PLOD1: variants seen among roughly 807,000 people sequenced by gnomAD.
The protein encoded by PLOD1 is procollagen-lysine,2-oxoglutarate 5-dioxygenase 1.
In PLOD1, 70 loss-of-function variants were observed where a neutral mutation model predicts 94.7. That is an observed-to-expected ratio of 0.74 (90% CI 0.61 to 0.90). PLOD1 has a LOEUF of 0.90. Among genes scored for constraint, PLOD1 ranks in the 40% least tolerant of loss-of-function variants. PLOD1 has a pLI of 0.00. For missense variants in PLOD1, 905 were observed against 972.7 expected (o/e 0.93, Z 0.93); for synonymous variants, 417 against 400.2 (o/e 1.04, Z -0.50).
chr1:11,974,931 C>G lies in PLOD1; in HGVS notation c.*123C>G. The G allele has an allele frequency of 1.1e-6, 1 of 905,440 alleles. No individual in the cohort carries two copies. The highest frequency in any genetic ancestry group is 1.3e-5 in the South Asian group (1 of 76,248). 56.1% of individuals were successfully genotyped at this position (905,440 alleles called of 1,614,324 possible). A position where few individuals can be genotyped will look rare whatever the true frequency, so the allele number is the denominator to read the frequency against. On this transcript the variant is annotated 3_prime_UTR_variant, in exon 19 of 19. Transcript: ENST00000196061. ...TCCTGGCTGTTGACTTCCCATTGCT[C>G]TTGGAGCCACCAATCAAAGAGATTC...
At chr1:11,971,312 C>T (rs936572510) in intron 17 of PLOD1, among the ~76,000 whole-genome samples, 13 of 145,668 alleles carry the variant, frequency 8.9e-5, no homozygotes, top group African/African-American at 2.8e-4. Context: ...GGTTGGAGTA[C>T]GGGTGGAGGA....
At chr1:11,943,277 C>T (rs1285009643) in intron 1 of PLOD1, among the ~76,000 whole-genome samples, 3 of 150,394 alleles carry the variant, frequency 2.0e-5, no homozygotes, top group South Asian at 2.1e-4. Context: ...CATGAGCCAC[C>T]GTGCCCGGCT....
intron 1 of PLOD1, among the ~76,000 whole-genome samples, chr1:11,938,411 G>A (rs958860348): frequency 2.0e-5 from 3 of 152,166 alleles, no homozygotes; most frequent in East Asian, 1.9e-4. Context: ...ACCTCTGGAC[G>A]GGAAGGGGGT....
chr1:11,943,919 G>T (rs899493664), intron 1 of PLOD1, among the ~76,000 whole-genome samples: 1 of 152,138 alleles, frequency 6.6e-6, no homozygotes, highest in Admixed American at 6.5e-5. Context: ...AAAGTCGGGG[G>T]TTAGTATGTG....
chr1:11,948,909 A>G (rs1645676755), intron 2 of PLOD1, among the ~76,000 whole-genome samples: 1 of 152,174 alleles, frequency 6.6e-6, no homozygotes, highest in Admixed American at 6.5e-5. Context: ...GGTGATGGAC[A>G]ATACAGAACA....
intron 18 of PLOD1, 40 bp downstream of exon 18, chr1:11,973,037 G>A: frequency 6.2e-7 from 1 of 1,612,344 alleles, no homozygotes; most frequent in Non-Finnish European, 8.5e-7. Context: ...CCGGCAATGG[G>A]GATGAGGAGG....
intron 1 of PLOD1, among the ~76,000 whole-genome samples, chr1:11,946,553 G>A (rs960861107): frequency 1.3e-5 from 2 of 152,178 alleles, no homozygotes; most frequent in African/African-American, 4.8e-5. Context: ...GTCTGTCCTG[G>A]GTTAGGTATG....
At chr1:11,934,992 T>C in intron 1 of PLOD1, 137 bp downstream of exon 1, 1 of 1,129,810 alleles carries the variant, frequency 8.9e-7, no homozygotes, top group Non-Finnish European at 1.2e-6. Context: ...GTCCACTTAA[T>C]CGCTGGTGAC....
At chr1:11,953,054 A>C (rs748044847) in intron 5 of PLOD1, among the ~76,000 whole-genome samples, 1 of 152,006 alleles carries the variant, frequency 6.6e-6, no homozygotes, top group Non-Finnish European at 1.5e-5. Flanking sequence ...TAAGGACACT[A>C]ATCCTATTTT....
At position 11,975,015 on chromosome 1, in the gene PLOD1, T is replaced by G; in HGVS notation, c.*207T>G. On this transcript the variant is annotated 3_prime_UTR_variant, in exon 19 of 19. Coordinates refer to ENST00000196061, the MANE Select transcript of PLOD1 (RefSeq NM_000302.4). ...CCTTTATGGCTGGGGCTCTCCGTGG[T>G]GTTCTGGACCCAGCCCCTGGAGACA... 1.6e-6 allele frequency: 1 copy of G among 639,964 alleles called. No individual in the cohort carries two copies. Among genetic ancestry groups the G allele is most frequent in the Non-Finnish European group, 2.8e-6 (1 of 356,718 alleles). The allele number at this position is 639,964 out of a possible 1,614,324, so 39.6% of individuals were successfully genotyped here. A position where few individuals can be genotyped will look rare whatever the true frequency, so the allele number is the denominator to read the frequency against.
intron 1 of PLOD1, among the ~76,000 whole-genome samples, chr1:11,935,253 C>T (rs1645570073): frequency 6.6e-6 from 1 of 152,186 alleles, no homozygotes; most frequent in African/African-American, 2.4e-5. Flanking sequence ...AGTTCATTCA[C>T]TTGCCCAAGA....
rs760423897 is a variant in PLOD1, at chr1:11,950,553, G to C, written c.466+33G>C. ...GCCTGGGTGCAGGGCGCTTGGCCCAGCAGAGGGGTCCATCTACTGCCTTTG... is the reference window on the plus strand; with the variant it reads ...GCCTGGGTGCAGGGCGCTTGGCCCACCAGAGGGGTCCATCTACTGCCTTTG... On this transcript the variant is annotated intron_variant, in intron 4 of 18. Coordinates refer to ENST00000196061, the MANE Select transcript of PLOD1 (RefSeq NM_000302.4). 7.5e-6 allele frequency: 12 copies of C among 1,606,958 alleles called. No individual in the cohort carries two copies. In the Admixed American group the frequency reaches 2.0e-4, roughly 27 times the overall value.
In PLOD1 at chr1:11,966,665, T is replaced by G. The variant is rs1050638524; in HGVS notation, c.1651-322T>G. Among the ~76,000 whole-genome samples the G allele has an allele frequency of 3.7e-4, 56 of 152,224 alleles. 1 individual carries two copies. The highest frequency in any genetic ancestry group is 1.3e-3 in the African/African-American group (55 of 41,542). On this transcript the variant is annotated intron_variant, in intron 15 of 18. Coordinates refer to ENST00000196061, the MANE Select transcript of PLOD1 (RefSeq NM_000302.4). The stretch of plus-strand genomic sequence containing the variant: ...ATGTGATGGCCACTGTGGCCCACCA[T>G]GCCTGGACCACTTCGGGGAGTGGCT...
intron 1 of PLOD1, among the ~76,000 whole-genome samples, chr1:11,944,898 G>A (rs1045891569): frequency 1.3e-5 from 2 of 152,226 alleles, no homozygotes; most frequent in African/African-American, 4.8e-5. Context: ...GGTGGTGGGA[G>A]GGGAGGGCCT....
Position 11,966,335 on chromosome 1 carries a change from C to A in PLOD1, c.1650+19C>A. 1 of 1,584,800 alleles carries A rather than the reference C, an allele frequency of 6.3e-7. No individual in the cohort carries two copies. Among genetic ancestry groups the A allele is most frequent in the Admixed American group, 1.7e-5 (1 of 58,346 alleles). ...GGAGACGGTAAGGGCCATGGACACC[C>A]TCTTGGACCAGCCTTGCCTGCTGCA... On this transcript the variant is annotated intron_variant, in intron 15 of 18. Transcript: ENST00000196061.
intron 3 of PLOD1, among the ~76,000 whole-genome samples, 182 bp from the exon 4 acceptor site, chr1:11,950,175 G>A (rs1245853361): frequency 6.6e-6 from 1 of 152,172 alleles, no homozygotes; most frequent in Non-Finnish European, 1.5e-5. Flanking sequence ...CCAGGGTGCG[G>A]GTGGGAACAT....
intron 4 of PLOD1, among the ~76,000 whole-genome samples, chr1:11,951,899 A>C (rs1357245788): frequency 6.6e-6 from 1 of 151,964 alleles, no homozygotes; most frequent in Non-Finnish European, 1.5e-5. Flanking sequence ...AGCCTGGGCG[A>C]CAGAGCGAGA....
chr1:11,970,928 A>T, intron 17 of PLOD1, 112 bp downstream of exon 17: 6 of 397,974 alleles, frequency 1.5e-5, no homozygotes, highest in East Asian at 9.6e-5. Flanking sequence ...GGAGGGGCCG[A>T]GGTGGAGTGA....
At chr1:11,937,116 G>A (rs1047973540) in intron 1 of PLOD1, among the ~76,000 whole-genome samples, 1 of 152,278 alleles carries the variant, frequency 6.6e-6, no homozygotes, top group East Asian at 1.9e-4. Flanking sequence ...CCAAAGTACC[G>A]GGATTACAGG....
Sources: gnomAD v4.1 joint callset for allele counts (sites outside exome capture counted in the v4.1 genomes callset) on GRCh38, gnomAD v4.1.1 for gene constraint, MANE v1.5 for transcripts, NCBI Gene and HGNC (gene_info 2026-07-23, HGNC 2026-07-21) for gene names.